The following LPP variants were observed in gnomAD, a reference collection of about 807,000 sequenced individuals.
LPP encodes the protein LIM domain containing preferred translocation partner in lipoma.
A neutral mutation model predicts 60.4 loss-of-function variants in LPP; 38 were observed. That is an observed-to-expected ratio of 0.63 (90% CI 0.49 to 0.83). The LOEUF (loss-of-function observed/expected upper bound fraction) is 0.83. Ranked by LOEUF, LPP falls within the 40% of genes least tolerant of loss-of-function variation. The pLI, the probability that LPP is intolerant of heterozygous loss-of-function variation, is 0.00. For missense variants in LPP, 902 were observed against 783.6 expected (o/e 1.15, Z -1.80); for synonymous variants, 328 against 290.8 (o/e 1.13, Z -1.30).
intron 7 of LPP, among the ~76,000 whole-genome samples, chr3:188,665,876 T>G (rs1560033253): frequency 6.6e-6 from 1 of 152,252 alleles, no homozygotes; most frequent in Admixed American, 6.5e-5. Flanking sequence ...TGAGGAACTA[T>G]AAAGTTTGCA....
intron 2 of LPP, among the ~76,000 whole-genome samples, chr3:188,232,343 C>T (rs1720314381): frequency 6.6e-6 from 1 of 151,592 alleles, no homozygotes; most frequent in Non-Finnish European, 1.5e-5. Context: ...TTTTTTAATA[C>T]TCATCTTATT....
intron 6 of LPP, among the ~76,000 whole-genome samples, chr3:188,580,704 C>G (rs1159016720): frequency 2.0e-5 from 3 of 152,102 alleles, no homozygotes; most frequent in Admixed American, 6.6e-5. Flanking sequence ...AAAGATTAGC[C>G]TATATGATGG....
At chr3:188,695,889 G>C (rs901181280) in intron 7 of LPP, among the ~76,000 whole-genome samples, 4 of 152,138 alleles carry the variant, frequency 2.6e-5, no homozygotes, top group Admixed American at 6.5e-5. Flanking sequence ...TGAATATATA[G>C]AGATGGCTGT....
chr3:188,600,431 T>C (rs9846845), intron 6 of LPP, among the ~76,000 whole-genome samples: 39,070 of 151,242 alleles, frequency 0.26, 5,659 homozygotes, highest in Non-Finnish European at 0.33. Context: ...TATGCATATG[T>C]ATATATGAGA....
chr3:188,653,016 AGGC>A (rs1173308044), intron 7 of LPP, among the ~76,000 whole-genome samples: 1 of 152,196 alleles, frequency 6.6e-6, no homozygotes, highest in Non-Finnish European at 1.5e-5. Context: ...CTTTTTCCTC[AGGC>A]AGCTGGAGCA....
At chr3:188,324,217 G>C (rs1255006702) in intron 2 of LPP, among the ~76,000 whole-genome samples, 1 of 152,116 alleles carries the variant, frequency 6.6e-6, no homozygotes, top group Non-Finnish European at 1.5e-5. Flanking sequence ...AATTCCACCA[G>C]CACCATCTTC....
chr3:188,710,938 A>C (rs1242644381), intron 8 of LPP: 1 of 152,162 alleles, frequency 6.6e-6, no homozygotes, highest in Non-Finnish European at 1.5e-5. Context: ...GTTTTGTTTT[A>C]TCTGTAATAT....
intron 6 of LPP, among the ~76,000 whole-genome samples, chr3:188,566,759 C>T (rs1231415722): frequency 6.6e-6 from 1 of 151,742 alleles, no homozygotes; most frequent in African/African-American, 2.4e-5. Context: ...TCCAATTTGC[C>T]TTTAATTAGT....
chr3:188,341,667 G>A lies in LPP; in HGVS notation c.-62G>A. On this transcript the variant is annotated 5_prime_UTR_variant, in exon 3 of 12. Coordinates refer to ENST00000617246, the MANE Select transcript of LPP (RefSeq NM_001375462.1). ...TATTTCATTTGTAAACACTAGCATT[G>A]CAGTTGGCTGAACCTTGTGTCAACC... 1 of 983,786 alleles carries A rather than the reference G, an allele frequency of 1.0e-6. No homozygotes were observed. The highest frequency in any genetic ancestry group is 1.2e-6 in the Non-Finnish European group (1 of 828,450). The allele number at this position is 983,786 out of a possible 1,614,324, so 60.9% of individuals were successfully genotyped here. A position where few individuals can be genotyped will look rare whatever the true frequency, so the allele number is the denominator to read the frequency against.
intron 7 of LPP, among the ~76,000 whole-genome samples, chr3:188,670,011 C>A (rs554026603): frequency 6.6e-6 from 1 of 152,120 alleles, no homozygotes. Flanking sequence ...GGACAGAAAA[C>A]CAAACACCAC....
chr3:188,373,900 G>GGATCCAAT (rs1288306838), intron 3 of LPP, among the ~76,000 whole-genome samples: 6 of 151,980 alleles, frequency 3.9e-5, no homozygotes, highest in African/African-American at 1.5e-4. Context: ...TGTAAGGAAG[G>GGATCCAAT]GATCCAATTT....
chr3:188,187,217 GA>G (rs1726859395), intron 1 of LPP, among the ~76,000 whole-genome samples: 1 of 152,096 alleles, frequency 6.6e-6, no homozygotes, highest in Non-Finnish European at 1.5e-5. Flanking sequence ...TGCAAAAGCT[GA>G]AAAAATAAAT....
chr3:188,429,508 A>G (rs1489511785), intron 4 of LPP, among the ~76,000 whole-genome samples: 1 of 152,172 alleles, frequency 6.6e-6, no homozygotes, highest in African/African-American at 2.4e-5. Context: ...AAGTGAGCAT[A>G]TGTTTTATTT....
At position 188,760,187 on chromosome 3, in the gene LPP, G is replaced by C; in HGVS notation, c.1315G>C (p.Val439Leu). Residue 439 changes from valine to leucine, a missense_variant, in exon 9 of 12, where the codon GTG becomes CTG. By Grantham distance (32) the Val-to-Leu change is conservative. Coordinates refer to ENST00000617246, the MANE Select transcript of LPP (RefSeq NM_001375462.1). ...CACTGCCATGGATCAGGTCTTCCAC[G>C]TGGATTGTTTTACCTGCATCATCTG... Reference protein sequence around the residue: ...GCTAMDQVFHVDCFTCIICNN... With the variant: ...GCTAMDQVFHLDCFTCIICNN... 3 of 1,614,054 alleles carry C rather than the reference G, an allele frequency of 1.9e-6. No homozygotes were observed. The highest frequency in any genetic ancestry group is 2.2e-5 in the South Asian group (2 of 91,068).
chr3:188,346,534 G>A (rs962084884), intron 3 of LPP, among the ~76,000 whole-genome samples: 1 of 151,846 alleles, frequency 6.6e-6, no homozygotes, highest in Non-Finnish European at 1.5e-5. Flanking sequence ...AAAGTGCTGG[G>A]ATTACAGGTG....
At chr3:188,162,481 T>G (rs1331246989) in intron 1 of LPP, among the ~76,000 whole-genome samples, 1 of 152,222 alleles carries the variant, frequency 6.6e-6, no homozygotes, top group Non-Finnish European at 1.5e-5. Flanking sequence ...GGTGACTATA[T>G]TCAAGGCTTT....
chr3:188,668,247 T>C (rs576962809), intron 7 of LPP, among the ~76,000 whole-genome samples: 39 of 152,324 alleles, frequency 2.6e-4, no homozygotes, highest in African/African-American at 9.4e-4. Flanking sequence ...AGATGATGTG[T>C]TAAGTTAGCT....
chr3:188,538,153 A>C (rs1824150977), intron 6 of LPP, among the ~76,000 whole-genome samples: 1 of 152,226 alleles, frequency 6.6e-6, no homozygotes, highest in African/African-American at 2.4e-5. Context: ...TGGGTTAGTC[A>C]GTGGTTTCTT....
At chr3:188,367,266 G>T (rs1053865089) in intron 3 of LPP, among the ~76,000 whole-genome samples, 2 of 151,976 alleles carry the variant, frequency 1.3e-5, no homozygotes, top group Non-Finnish European at 2.9e-5. Flanking sequence ...GTTCCCCTTA[G>T]CATGGCCTAT....
Sources: allele counts gnomAD v4.1 joint callset (sites outside exome capture counted in the v4.1 genomes callset), GRCh38; gene constraint gnomAD v4.1.1; transcripts MANE v1.5; gene names NCBI Gene and HGNC (gene_info 2026-07-23, HGNC 2026-07-21).